Variants in CACNA1S observed in about 807,000 individuals in gnomAD.
The protein encoded by CACNA1S is calcium voltage-gated channel subunit alpha1 S, also known as voltage-dependent L-type calcium channel subunit alpha-1S.
CACNA1S carries 126 observed loss-of-function variants against 207.4 expected under a neutral mutation model. The observed-to-expected ratio is 0.61, with a 90% CI of 0.53 to 0.70. The LOEUF (loss-of-function observed/expected upper bound fraction) is 0.70. CACNA1S is among the 30% of genes least tolerant of loss of function. The pLI is 0.00. For synonymous variants in CACNA1S, 960 were observed against 932.7 expected (o/e 1.03, Z -0.53); for missense variants, 2,349 against 2,422.8 (o/e 0.97, Z 0.64).
At chr1:201,092,283 G>A (rs1467258724) in intron 3 of CACNA1S, among the ~76,000 whole-genome samples, 169 bp from the exon 4 acceptor site, 1 of 152,104 alleles carries the variant, frequency 6.6e-6, no homozygotes, top group Non-Finnish European at 1.5e-5. Context: ...TGCTTATCTG[G>A]GGAATTTCAC....
chr1:201,103,380 T>C (rs1662751361), intron 2 of CACNA1S, among the ~76,000 whole-genome samples: 1 of 152,162 alleles, frequency 6.6e-6, no homozygotes, highest in Non-Finnish European at 1.5e-5. Context: ...GGCCGTCCTT[T>C]CCTGCGACTC....
At chr1:201,070,221 A>T (rs761030587) in intron 17 of CACNA1S, 51 bp downstream of exon 17, 11 of 1,605,430 alleles carry the variant, frequency 6.9e-6, no homozygotes. Flanking sequence ...AGGGCAGGGA[A>T]GCAGATGAGA....
intron 2 of CACNA1S, among the ~76,000 whole-genome samples, chr1:201,094,452 TC>T (rs1662346766): frequency 6.6e-6 from 1 of 152,054 alleles, no homozygotes; most frequent in Non-Finnish European, 1.5e-5. Context: ...CATTTTTTTT[TC>T]ATTACTCGAC....
chr1:201,104,945 A>G (rs1209657016), intron 2 of CACNA1S, among the ~76,000 whole-genome samples: 1 of 152,264 alleles, frequency 6.6e-6, no homozygotes, highest in Non-Finnish European at 1.5e-5. Context: ...TGAGAAAAAT[A>G]AAAGTACCTG....
rs776415936 is a variant in CACNA1S, at chr1:201,069,130, C to T, written c.2550+7G>A. ...CTCCCCAGGGCTGCCCCACAGCCTTCACTCACCTTGAGGACAATCTCCACA... is the reference window on the plus strand; with the variant it reads ...CTCCCCAGGGCTGCCCCACAGCCTTTACTCACCTTGAGGACAATCTCCACA... On this transcript the variant is annotated splice_region_variant and intron_variant, in intron 19 of 43. Transcript: ENST00000362061. The T allele has an allele frequency of 1.9e-6, 3 of 1,613,572 alleles. No individual in the cohort carries two copies. The highest frequency in any genetic ancestry group is 8.5e-7 in the Non-Finnish European group (1 of 1,179,518).
chr1:201,059,478 A>G (rs1660968113), intron 26 of CACNA1S, among the ~76,000 whole-genome samples, 179 bp from the exon 27 acceptor site: 3 of 152,178 alleles, frequency 2.0e-5, no homozygotes, highest in Admixed American at 6.5e-5. Context: ...GAGTTCCGCC[A>G]AATTTTATGA....
chr1:201,091,898 G>T, intron 4 of CACNA1S, 74 bp downstream of exon 4: 1 of 1,607,518 alleles, frequency 6.2e-7, no homozygotes, highest in South Asian at 1.1e-5. Flanking sequence ...AAGGTAGGAA[G>T]GGGACCCAGA....
intron 1 of CACNA1S, 60 bp downstream of exon 1, chr1:201,112,128 A>T: frequency 1.3e-6 from 2 of 1,533,296 alleles, no homozygotes; most frequent in South Asian, 1.2e-5. Context: ...CTCTGTGATC[A>T]CCCCGAATCC....
At chr1:201,111,290 C>G (rs1013983487) in intron 1 of CACNA1S, among the ~76,000 whole-genome samples, 4 of 152,266 alleles carry the variant, frequency 2.6e-5, no homozygotes, top group Non-Finnish European at 5.9e-5. Flanking sequence ...TTCTAGGGAA[C>G]AGCTGGTAGG....
At chr1:201,052,522 G>A (rs377469814) in intron 32 of CACNA1S, 35 bp downstream of exon 32, 1 of 1,523,474 alleles carries the variant, frequency 6.6e-7, no homozygotes, top group African/African-American at 1.4e-5. Flanking sequence ...GGACTGGTCA[G>A]CGGGGTAGGG....
intron 3 of CACNA1S, 151 bp downstream of exon 3, chr1:201,093,731 G>A: frequency 2.1e-6 from 2 of 933,706 alleles, no homozygotes; most frequent in East Asian, 2.6e-5. Flanking sequence ...CAGCTCCCTT[G>A]CTGGGCCGGC....
chr1:201,061,051 T>A (rs1266154266), intron 25 of CACNA1S, among the ~76,000 whole-genome samples: 2 of 152,238 alleles, frequency 1.3e-5, no homozygotes, highest in Non-Finnish European at 2.9e-5. Flanking sequence ...GCTTCCTTTC[T>A]CTGGGCATCA....
chr1:201,085,819 C>T (rs1368999556), intron 7 of CACNA1S, among the ~76,000 whole-genome samples: 1 of 152,124 alleles, frequency 6.6e-6, no homozygotes, highest in Non-Finnish European at 1.5e-5. Flanking sequence ...GCCCCTTCCT[C>T]ATTTCTTTCT....
At chr1:201,058,995 G>A (rs997425313) in intron 27 of CACNA1S, among the ~76,000 whole-genome samples, 194 bp downstream of exon 27, 2 of 152,196 alleles carry the variant, frequency 1.3e-5, no homozygotes, top group Non-Finnish European at 2.9e-5. Context: ...TTCTGTCATT[G>A]TCAATTCTGG....
intron 38 of CACNA1S, among the ~76,000 whole-genome samples, chr1:201,046,302 C>T (rs1660466939): frequency 6.6e-6 from 1 of 152,176 alleles, no homozygotes; most frequent in South Asian, 2.1e-4. Context: ...CCGCCTCAAC[C>T]TCCCAAATAG....
Position 201,053,282 on chromosome 1 carries a change from G to A in CACNA1S, c.3796-8C>T. On this transcript the variant is annotated splice_polypyrimidine_tract_variant and splice_region_variant and intron_variant, in intron 30 of 43. Coordinates refer to ENST00000362061, the MANE Select transcript of CACNA1S (RefSeq NM_000069.3). This position sits in a 1 kb window ranked among gnomAD's most constrained non-coding sequence, Gnocchi z 5.1. ...AGCCACGTAGGGTAGGGCCTGCAGGGCGGGCGGGAGCGCCAGTCAGTGTCT... is the reference window on the plus strand; with the variant it reads ...AGCCACGTAGGGTAGGGCCTGCAGGACGGGCGGGAGCGCCAGTCAGTGTCT... 1.2e-6 allele frequency: 2 copies of A among 1,614,144 alleles called. No individual in the cohort carries two copies. The highest frequency in any genetic ancestry group is 1.7e-6 in the Non-Finnish European group (2 of 1,180,004).
rs754838020 is a variant in CACNA1S at position 201,048,901 on chromosome 1, C to A, written c.4338+102G>T. On this transcript the variant is annotated intron_variant, in intron 35 of 43. Transcript: ENST00000362061. ...AGGAACTTGGGGACCCAGGAGATCC[C>A]GGCTCTACAATGCTTCACTCCATCA... 6.0e-6 allele frequency: 6 copies of A among 998,334 alleles called. No homozygotes were observed. In the South Asian group the frequency reaches 6.8e-5, roughly 11 times the overall value. 61.8% of individuals were successfully genotyped at this position (998,334 alleles called of 1,614,324 possible). A position where few individuals can be genotyped will look rare whatever the true frequency, so the allele number is the denominator to read the frequency against.
chr1:201,056,076 C>CACACACACACACACACAT (rs1195876612), intron 28 of CACNA1S, among the ~76,000 whole-genome samples: 1 of 134,104 alleles, frequency 7.5e-6, no homozygotes, highest in African/African-American at 2.7e-5. Context: ...GACAGACACA[C>CACACACACACACACACAT]ACACACACAC....
chr1:201,058,999 A>G (rs1031630237), intron 27 of CACNA1S, among the ~76,000 whole-genome samples, 190 bp downstream of exon 27: 1 of 152,228 alleles, frequency 6.6e-6, no homozygotes, highest in Admixed American at 6.5e-5. Flanking sequence ...GTCATTGTCA[A>G]TTCTGGCTGC....
Sources: allele counts gnomAD v4.1 joint callset (sites outside exome capture counted in the v4.1 genomes callset), GRCh38; gene constraint gnomAD v4.1.1; non-coding constraint Gnocchi (gnomAD v3.1); transcripts MANE v1.5; gene names NCBI Gene and HGNC (gene_info 2026-07-23, HGNC 2026-07-21).